The following OPTN variants were observed in gnomAD, a reference collection of about 807,000 sequenced individuals.
OPTN encodes the protein E3-14.7K-interacting protein.
OPTN carries 54 observed loss-of-function variants against 70.4 expected under a neutral mutation model. That is an observed-to-expected ratio of 0.77 (90% CI 0.62 to 0.96). OPTN has a LOEUF of 0.96. Ranked by LOEUF, OPTN falls within the 40% of genes least tolerant of loss-of-function variation. The pLI is 0.00. For missense variants in OPTN, 624 were observed against 673.2 expected (o/e 0.93, Z 0.81); for synonymous variants, 256 against 248.5 (o/e 1.03, Z -0.28).
intron 4 of OPTN, among the ~76,000 whole-genome samples, chr10:13,110,731 A>G (rs1179436859): frequency 6.6e-6 from 1 of 152,218 alleles, no homozygotes; most frequent in Admixed American, 6.5e-5. Context: ...CAGTAAGGTT[A>G]TAAATCATTG....
rs367853586 is a variant in OPTN, at chr10:13,121,342, G to A, written c.780-1043G>A. Among the ~76,000 whole-genome samples the A allele has an allele frequency of 1.3e-4, 20 of 151,976 alleles. No individual in the cohort carries two copies. The East Asian group carries it at 2.3e-3, about 18-fold the overall frequency. On this transcript the variant is annotated intron_variant, in intron 7 of 14. Transcript: ENST00000378747. ...TTTTAGGATCAGCTTGTTAATTTGT[G>A]AAAAAAGCCAGCTGGGATCTTACTA...
chr10:13,126,785 T>G (rs1833475635), intron 11 of OPTN, among the ~76,000 whole-genome samples: 1 of 151,736 alleles, frequency 6.6e-6, no homozygotes, highest in South Asian at 2.1e-4. Context: ...CCCAGCACTT[T>G]GGGAGGCCAA....
chr10:13,128,029 T>C, intron 12 of OPTN, 126 bp downstream of exon 12: 1 of 1,087,998 alleles, frequency 9.2e-7, no homozygotes, highest in South Asian at 1.4e-5. Context: ...CGTGAGTGTA[T>C]TAAAACTTTA....
chr10:13,113,024 C>T (rs1470862537), intron 5 of OPTN, among the ~76,000 whole-genome samples: 5 of 151,944 alleles, frequency 3.3e-5, no homozygotes, highest in Admixed American at 3.3e-4. Context: ...ACAACAGAAC[C>T]CTCTTTTTTT....
intron 1 of OPTN, among the ~76,000 whole-genome samples, chr10:13,107,493 C>T (rs1232463977): frequency 2.7e-5 from 4 of 150,308 alleles, no homozygotes; most frequent in East Asian, 2.0e-4. Flanking sequence ...ATTCTCCTGC[C>T]GCAGCCTCCG....
rs773781355 is a variant in OPTN, at chr10:13,133,464, T to G, written c.1533-38T>G. 3.7e-5 allele frequency: 59 copies of G among 1,580,006 alleles called. 1 individual carries two copies. Among genetic ancestry groups the G allele is most frequent in the Non-Finnish European group, 2.6e-6 (3 of 1,149,212 alleles). On this transcript the variant is annotated intron_variant, in intron 13 of 14. Transcript: ENST00000378747. ...TCAGTGTTGTCATGTTTCGGGGTTG[T>G]AGAACATCACACAGCGTGTTGCTTT... is the stretch of plus-strand genomic sequence containing the variant.
intron 14 of OPTN, among the ~76,000 whole-genome samples, chr10:13,133,815 T>C (rs2131530855): frequency 6.6e-6 from 1 of 152,238 alleles, no homozygotes; most frequent in South Asian, 2.1e-4. Flanking sequence ...TTTCTTTTTT[T>C]TCTTTTTTTT....
chr10:13,103,589 A>G (rs575780670), intron 1 of OPTN, among the ~76,000 whole-genome samples: 1 of 152,350 alleles, frequency 6.6e-6, no homozygotes, highest in East Asian at 1.9e-4. Context: ...ATCATGTGCC[A>G]TCGAAACCAG....
intron 2 of OPTN, chr10:13,108,877 C>G (rs1374579397): frequency 3.9e-6 from 2 of 511,154 alleles, no homozygotes; most frequent in Non-Finnish European, 7.2e-6. Flanking sequence ...CCCATACACA[C>G]ACACGCACAC....
rs1833370843 is a variant in OPTN, at chr10:13,122,448, C to T, written c.843C>T (p.Ser281=). 1.2e-6 allele frequency: 2 copies of T among 1,613,914 alleles called. No homozygotes were observed. Among genetic ancestry groups the T allele is most frequent in the Non-Finnish European group, 1.7e-6 (2 of 1,179,890 alleles). Residue 281 remains serine, a synonymous_variant, in exon 8 of 15, where the codon AGC becomes AGT. Transcript: ENST00000378747. ...AGATTGAAACCCAGACAGAGGGGAG[C>T]ACAGAGAAAGAGAATGATGAAGAGA... ...RSEIETQTEG[S]TEKENDEEKG... is the part of the protein sequence containing the mutation.
Position 13,109,263 on chromosome 10 carries a change from C to T in OPTN, c.141C>T (p.Leu47=), listed in dbSNP as rs1190954219. The part of the protein sequence containing the change: ...PEELLQQMKE[L]LTENHQLKEA... The stretch of plus-strand genomic sequence containing the variant: ...AGCTGCTGCAGCAGATGAAAGAGCT[C>T]CTGACCGAGAACCACCAGCTGAAAG... Residue 47 remains leucine, a synonymous_variant, in exon 3 of 15, where the codon CTC becomes CTT. Transcript: ENST00000378747. 6.2e-7 allele frequency: 1 copy of T among 1,613,844 alleles called. No homozygotes were observed. Among genetic ancestry groups the T allele is most frequent in the East Asian group, 2.2e-5 (1 of 44,882 alleles).
chr10:13,127,264 G>C lies in OPTN; in HGVS notation c.1243-481G>C, dbSNP rs80263050. On this transcript the variant is annotated intron_variant, in intron 11 of 14. Coordinates refer to ENST00000378747, the MANE Select transcript of OPTN (RefSeq NM_001008212.2). The stretch of plus-strand genomic sequence containing the variant: ...CCCAAAGTGCTGGGATTACAGGTGT[G>C]AGCCATCATGCCCAGCAGTAGTGTT... Among the ~76,000 whole-genome samples, 581 of 152,246 alleles carry C rather than the reference G, an allele frequency of 3.8e-3. 4 individuals are homozygous for C. The highest frequency in any genetic ancestry group is 0.013 in the African/African-American group (541 of 41,534).
chr10:13,125,400 A>C lies in OPTN; in HGVS notation c.999-18A>C, dbSNP rs2131515446. 6.2e-7 allele frequency: 1 copy of C among 1,613,972 alleles called. No individual in the cohort carries two copies. The highest frequency in any genetic ancestry group is 1.3e-5 in the African/African-American group (1 of 75,062). ...AAAGGAGCATTGTTTATCCTCATGA[A>C]ATCTTGACCTTTCTTAGGTGTCAGG... On this transcript the variant is annotated intron_variant, in intron 9 of 14. Transcript: ENST00000378747.
intron 11 of OPTN, among the ~76,000 whole-genome samples, chr10:13,126,470 C>G (rs897357642): frequency 5.3e-5 from 8 of 151,802 alleles, no homozygotes; most frequent in African/African-American, 1.9e-4. Context: ...TTAGTAGAGA[C>G]GGGGTTTCAC....
Position 13,110,336 on chromosome 10 carries a change from G to A in OPTN, c.229G>A (p.Glu77Lys). ...GRFEELSAWT[E>K]KQKEERQFFE... Reference sequence around the variant, plus strand: ...ATTTGAGGAGCTTTCGGCCTGGACAGAGAAACAGAAGGAAGAACGCCAGTT... The same window carrying A: ...ATTTGAGGAGCTTTCGGCCTGGACAAAGAAACAGAAGGAAGAACGCCAGTT... The change falls in exon 4 of 15, where the codon GAG becomes AAG. Residue 77 changes from glutamate to lysine, a missense_variant. By Grantham distance (56) the Glu-to-Lys change is moderately conservative. Coordinates refer to ENST00000378747, the MANE Select transcript of OPTN (RefSeq NM_001008212.2). 1 of 1,614,110 alleles carries A rather than the reference G, an allele frequency of 6.2e-7. No individual in the cohort carries two copies. The highest frequency in any genetic ancestry group is 8.5e-7 in the Non-Finnish European group (1 of 1,180,042).
intron 3 of OPTN, chr10:13,109,513 A>C (rs911428755): frequency 3.7e-6 from 2 of 545,032 alleles, no homozygotes; most frequent in Non-Finnish European, 6.6e-6. Context: ...AAGTAGCATA[A>C]TGATATTTAG....
At chr10:13,133,752 A>G (rs1289488035) in intron 14 of OPTN, among the ~76,000 whole-genome samples, 171 bp downstream of exon 14, 1 of 152,136 alleles carries the variant, frequency 6.6e-6, no homozygotes, top group East Asian at 1.9e-4. Flanking sequence ...TTACCCACCG[A>G]ATCCAGACCA....
At chr10:13,103,295 G>C (rs945714185) in intron 1 of OPTN, among the ~76,000 whole-genome samples, 1 of 152,080 alleles carries the variant, frequency 6.6e-6, no homozygotes, top group African/African-American at 2.4e-5. Flanking sequence ...TCTTGTCTCT[G>C]GTCAAAAAGC....
chr10:13,130,502 ACT>A (rs1833574086), intron 12 of OPTN, among the ~76,000 whole-genome samples: 2 of 151,052 alleles, frequency 1.3e-5, no homozygotes, highest in African/African-American at 4.9e-5. Context: ...CAAAACAAAG[ACT>A]CTGTTCTTAC....
Sources: gnomAD v4.1 joint callset for allele counts (sites outside exome capture counted in the v4.1 genomes callset) on GRCh38, gnomAD v4.1.1 for gene constraint, MANE v1.5 for transcripts, NCBI Gene and HGNC (gene_info 2026-07-23, HGNC 2026-07-21) for gene names.